Variants in TEX14 observed in about 807,000 individuals in gnomAD.
The protein encoded by TEX14 is testis expressed 14, intercellular bridge forming factor, also known as inactive serine/threonine-protein kinase TEX14.
Under a neutral mutation model 178.6 loss-of-function variants are expected in TEX14, and 168 were observed. The ratio of observed to expected loss-of-function variants is 0.94; its 90% confidence interval spans 0.83 to 1.07. TEX14 has a LOEUF of 1.07. TEX14 is among the 50% of genes least tolerant of loss of function. The pLI is 0.00. For synonymous variants in TEX14, 626 were observed against 634.1 expected, an observed-to-expected ratio of 0.99 and a Z score of 0.19; for missense variants, 1,730 against 1,753.6, an observed-to-expected ratio of 0.99 and a Z score of 0.24.
At chr17:58,615,412 C>G in intron 7 of TEX14, 67 bp from the exon 8 acceptor site, 1 of 966,860 alleles carries the variant, frequency 1.0e-6, no homozygotes, top group African/African-American at 1.6e-5. Flanking sequence ...AATGAATAAG[C>G]TTTCCTAAGC....
intron 5 of TEX14, among the ~76,000 whole-genome samples, chr17:58,618,459 G>C (rs758738724): frequency 5.3e-5 from 8 of 152,186 alleles, no homozygotes; most frequent in Non-Finnish European, 1.2e-4. Context: ...TGTGCATCAG[G>C]GTCCCCCTTC....
At chr17:58,682,104 A>G (rs935576897) in intron 1 of TEX14, among the ~76,000 whole-genome samples, 5 of 151,922 alleles carry the variant, frequency 3.3e-5, no homozygotes, top group Non-Finnish European at 5.9e-5. Context: ...ACACACTACC[A>G]TGTCTGGCTA....
intron 10 of TEX14, among the ~76,000 whole-genome samples, chr17:58,606,685 G>T (rs1939543304): frequency 6.6e-6 from 1 of 151,644 alleles, no homozygotes; most frequent in Admixed American, 6.6e-5. Context: ...AGTGCGCCAA[G>T]ACTGAGCCAC....
At chr17:58,669,411 A>G (rs1267174329) in intron 1 of TEX14, among the ~76,000 whole-genome samples, 2 of 151,534 alleles carry the variant, frequency 1.3e-5, no homozygotes, top group South Asian at 2.1e-4. Flanking sequence ...ATATTTGCTG[A>G]AAGTCACCAG....
At chr17:58,662,848 G>C (rs965049359) in intron 1 of TEX14, among the ~76,000 whole-genome samples, 3 of 152,112 alleles carry the variant, frequency 2.0e-5, no homozygotes, top group East Asian at 3.8e-4. Flanking sequence ...GACCGGGCGC[G>C]GTGGCTCACG....
intron 2 of TEX14, among the ~76,000 whole-genome samples, chr17:58,644,799 C>T (rs1408796631): frequency 2.7e-5 from 4 of 147,650 alleles, no homozygotes; most frequent in Non-Finnish European, 4.5e-5. Flanking sequence ...TATAGGCGCC[C>T]GCCACCACGC....
chr17:58,604,265 G>T lies in TEX14; in HGVS notation c.1336+713C>A, dbSNP rs183645005. On this transcript the variant is annotated intron_variant, in intron 11 of 31. Coordinates refer to ENST00000349033, the MANE Select transcript of TEX14 (RefSeq NM_031272.5). ...AGGTGGGTAGATCACAAGGTCAAGC[G>T]ATCGAGACCAGCCTGGCCAATATGG... Among the ~76,000 whole-genome samples the T allele has an allele frequency of 1.5e-3, 232 of 151,526 alleles. 3 individuals are homozygous for T. The highest frequency in any genetic ancestry group is 5.4e-3 in the African/African-American group (225 of 41,348).
At chr17:58,615,485 C>A (rs552423020) in intron 7 of TEX14, 140 bp from the exon 8 acceptor site, 7 of 642,152 alleles carry the variant, frequency 1.1e-5, no homozygotes, top group Non-Finnish European at 1.9e-5. Context: ...ACTGGGTCCT[C>A]TCTCCCACTA....
At chr17:58,589,996 C>A (rs1389080938) in intron 15 of TEX14, among the ~76,000 whole-genome samples, 1 of 151,994 alleles carries the variant, frequency 6.6e-6, no homozygotes, top group Non-Finnish European at 1.5e-5. Context: ...GGCGTGGTGG[C>A]TCACGCCTGT....
At chr17:58,688,820 G>T (rs1431935880) in intron 1 of TEX14, among the ~76,000 whole-genome samples, 1 of 152,066 alleles carries the variant, frequency 6.6e-6, no homozygotes, top group Non-Finnish European at 1.5e-5. Flanking sequence ...GGGGGGTTTG[G>T]GAGATTACTG....
rs373743726 is a variant in TEX14, at chr17:58,646,939, CTT to C, written c.136+4925_136+4926del. Among the ~76,000 whole-genome samples, 415 of 150,110 alleles carry C rather than the reference CTT, an allele frequency of 2.8e-3. 5 individuals are homozygous for C. Among genetic ancestry groups the C allele is most frequent in the African/African-American group, 9.8e-3 (400 of 40,828 alleles). ...TTTTTTTTTTAGACAGAGTTTCGCT[CTT>C]GTTTCCCAGGCTGGAGTGCGATGGC... On this transcript the variant is annotated intron_variant, in intron 2 of 31. Coordinates refer to ENST00000349033, the MANE Select transcript of TEX14 (RefSeq NM_031272.5).
chr17:58,585,934 CGT>C lies in TEX14; in HGVS notation c.2935_2936del (p.Thr979GlyfsTer7), dbSNP rs1567719849. ...LQPPIRSPEN[T>X]DWQRVIEYHR... ...GATACTCAATAACTCGCTGCCAATC[CGT>C]GTTTTCTGGGCTCCTAATGGGGGGC... On this transcript the variant is annotated frameshift_variant, in exon 18 of 32. Transcript: ENST00000349033. LOFTEE classifies it high-confidence loss of function. 1 of 1,614,008 alleles carries C rather than the reference CGT, an allele frequency of 6.2e-7. No homozygotes were observed. Among genetic ancestry groups the C allele is most frequent in the Non-Finnish European group, 8.5e-7 (1 of 1,180,020 alleles).
intron 6 of TEX14, 56 bp downstream of exon 6, chr17:58,617,482 C>T: frequency 7.7e-7 from 1 of 1,306,572 alleles, no homozygotes; most frequent in Non-Finnish European, 1.1e-6. Context: ...GGAGATGGGG[C>T]CCGATGATTC....
In TEX14 at chr17:58,675,675, G is replaced by C. The variant is rs747627739; in HGVS notation, c.-2+16264C>G. Reference sequence around the variant, plus strand: ...GATTATGACAAGGACTATGTTCCAAGGGTATCTGCATTCCCCTCACCCAGA... The same window carrying C: ...GATTATGACAAGGACTATGTTCCAACGGTATCTGCATTCCCCTCACCCAGA... On this transcript the variant is annotated intron_variant, in intron 1 of 31. Transcript: ENST00000349033. 8.7e-4 allele frequency among the ~76,000 whole-genome samples: 133 copies of C among 152,232 alleles called. 1 individual carries two copies. The highest frequency in any genetic ancestry group is 3.4e-3 in the Middle Eastern group (1 of 294).
chr17:58,688,637 T>G (rs2047640683), intron 1 of TEX14, among the ~76,000 whole-genome samples: 1 of 152,158 alleles, frequency 6.6e-6, no homozygotes, highest in Admixed American at 6.6e-5. Flanking sequence ...TACTTGCAGG[T>G]GAGGAGACTG....
intron 1 of TEX14, among the ~76,000 whole-genome samples, chr17:58,656,262 G>A (rs1162036518): frequency 2.0e-5 from 3 of 152,082 alleles, no homozygotes; most frequent in Admixed American, 6.6e-5. Flanking sequence ...TGACTGATAC[G>A]GTGAAACCCC....
At chr17:58,591,008 C>T (rs2144433726) in intron 15 of TEX14, among the ~76,000 whole-genome samples, 1 of 151,460 alleles carries the variant, frequency 6.6e-6, no homozygotes, top group South Asian at 2.1e-4. Context: ...ACTAGAGGAA[C>T]AGGTGGAAAA....
intron 2 of TEX14, among the ~76,000 whole-genome samples, chr17:58,635,164 T>C (rs1468967813): frequency 6.6e-6 from 1 of 151,800 alleles, no homozygotes; most frequent in African/African-American, 2.4e-5. Flanking sequence ...GAAAAAATGC[T>C]GATATTCTGG....
At chr17:58,560,091 C>T (rs1312254208) in intron 29 of TEX14, among the ~76,000 whole-genome samples, 1 of 152,150 alleles carries the variant, frequency 6.6e-6, no homozygotes, top group Non-Finnish European at 1.5e-5. Flanking sequence ...AACCATCCCC[C>T]CGACCCAACT....
Sources: gnomAD v4.1 joint callset for allele counts (sites outside exome capture counted in the v4.1 genomes callset) on GRCh38, gnomAD v4.1.1 for gene constraint, MANE v1.5 for transcripts, NCBI Gene and HGNC (gene_info 2026-07-23, HGNC 2026-07-21) for gene names.